The following PLCB1 variants were observed in gnomAD, a reference collection of about 807,000 sequenced individuals.
PLCB1 encodes the protein phospholipase C beta 1.
PLCB1 carries 46 observed loss-of-function variants against 161.8 expected under a neutral mutation model. The ratio of observed to expected loss-of-function variants is 0.28; its 90% CI spans 0.22 to 0.36. The LOEUF (loss-of-function observed/expected upper bound fraction) is 0.36, where lower values mean the gene tolerates loss of function less well. PLCB1 is among the 10% of genes least tolerant of loss of function. PLCB1 has a pLI of 1.00. For synonymous variants in PLCB1, 517 were observed against 503.7 expected, an observed-to-expected ratio of 1.03 and a Z score of -0.35; for missense variants, 1,016 against 1,472.5, an observed-to-expected ratio of 0.69 and a Z score of 5.07.
At chr20:8,737,263 A>T (rs1217286478) in intron 20 of PLCB1, 71 bp downstream of exon 20, 33 of 1,188,080 alleles carry the variant, frequency 2.8e-5, no homozygotes, top group Non-Finnish European at 3.8e-5. Flanking sequence ...AAATAATGAA[A>T]TGGTGAATTA....
At chr20:8,388,287 C>G (rs888696716) in intron 3 of PLCB1, among the ~76,000 whole-genome samples, 16 of 152,122 alleles carry the variant, frequency 1.1e-4, no homozygotes, top group African/African-American at 3.9e-4. Flanking sequence ...AATAGCTCAT[C>G]ATAGAATCTG....
chr20:8,215,543 G>A (rs546342542), intron 2 of PLCB1, among the ~76,000 whole-genome samples: 67 of 152,088 alleles, frequency 4.4e-4, no homozygotes, highest in African/African-American at 1.3e-3. Context: ...CGCAGCCCCC[G>A]TCCCTCTTGG....
chr20:8,622,012 C>T (rs1049997908), intron 3 of PLCB1, among the ~76,000 whole-genome samples: 1 of 152,120 alleles, frequency 6.6e-6, no homozygotes. Flanking sequence ...AGAGTCAGCA[C>T]TTTGGGAGGC....
At chr20:8,616,201 A>G (rs1455266992) in intron 3 of PLCB1, among the ~76,000 whole-genome samples, 1 of 152,164 alleles carries the variant, frequency 6.6e-6, no homozygotes, top group African/African-American at 2.4e-5. Context: ...AGGGCTTAGA[A>G]TGCCTTGACA....
intron 3 of PLCB1, among the ~76,000 whole-genome samples, chr20:8,483,528 G>T (rs1982594052): frequency 6.6e-6 from 1 of 152,158 alleles, no homozygotes; most frequent in Non-Finnish European, 1.5e-5. Flanking sequence ...CAAGTAATTT[G>T]CCTGAAGAGC....
At chr20:8,801,297 A>T (rs1471372369) in intron 31 of PLCB1, among the ~76,000 whole-genome samples, 1 of 152,018 alleles carries the variant, frequency 6.6e-6, no homozygotes, top group Non-Finnish European at 1.5e-5. Flanking sequence ...GCTTTCCATG[A>T]CCACTTTATT....
At chr20:8,214,468 C>G (rs1369387873) in intron 2 of PLCB1, among the ~76,000 whole-genome samples, 4 of 152,086 alleles carry the variant, frequency 2.6e-5, no homozygotes, top group African/African-American at 7.2e-5. Context: ...TTGTAACCTT[C>G]CTGAGGCCTC....
intron 2 of PLCB1, among the ~76,000 whole-genome samples, chr20:8,280,019 T>C (rs1194799299): frequency 1.3e-5 from 2 of 152,188 alleles, no homozygotes; most frequent in African/African-American, 2.4e-5. Context: ...GCATTTTACA[T>C]ATGTGTGTTA....
intron 2 of PLCB1, among the ~76,000 whole-genome samples, chr20:8,343,927 T>C (rs1190164564): frequency 6.6e-6 from 1 of 152,212 alleles, no homozygotes; most frequent in Non-Finnish European, 1.5e-5. Context: ...GATATCAGGA[T>C]TGGCTGACGT....
chr20:8,449,130 T>C (rs1430656319), intron 3 of PLCB1, among the ~76,000 whole-genome samples: 1 of 152,224 alleles, frequency 6.6e-6, no homozygotes, highest in Non-Finnish European at 1.5e-5. Flanking sequence ...AATATATGTT[T>C]AGAGATAAGA....
chr20:8,601,959 G>A (rs192504950), intron 3 of PLCB1, among the ~76,000 whole-genome samples: 156 of 152,202 alleles, frequency 1.0e-3, no homozygotes, highest in African/African-American at 3.7e-3. Flanking sequence ...CTCCCTTGCA[G>A]CACCAACACC....
intron 31 of PLCB1, among the ~76,000 whole-genome samples, chr20:8,791,850 A>T (rs889776632): frequency 6.6e-6 from 1 of 152,204 alleles, no homozygotes; most frequent in Non-Finnish European, 1.5e-5. Context: ...TCTTCCCTGG[A>T]TATAACTGGA....
intron 3 of PLCB1, among the ~76,000 whole-genome samples, chr20:8,399,668 C>G (rs1460945254): frequency 2.6e-5 from 4 of 152,016 alleles, no homozygotes; most frequent in Non-Finnish European, 5.9e-5. Context: ...ACTATTTTTC[C>G]CTAAGACAAT....
At chr20:8,419,746 G>C (rs1979459585) in intron 3 of PLCB1, among the ~76,000 whole-genome samples, 1 of 152,134 alleles carries the variant, frequency 6.6e-6, no homozygotes, top group Non-Finnish European at 1.5e-5. Context: ...AAGTAGAGAA[G>C]CATTTTTATT....
At chr20:8,194,491 A>G (rs557723692) in intron 2 of PLCB1, among the ~76,000 whole-genome samples, 1 of 152,180 alleles carries the variant, frequency 6.6e-6, no homozygotes, top group South Asian at 2.1e-4. Context: ...GTCAAAATAA[A>G]TATGCAGAAT....
At chr20:8,187,092 A>G (rs1371853629) in intron 2 of PLCB1, among the ~76,000 whole-genome samples, 1 of 152,054 alleles carries the variant, frequency 6.6e-6, no homozygotes, top group Non-Finnish European at 1.5e-5. Flanking sequence ...CTTACTTTAC[A>G]TTTGTTCTTG....
chr20:8,728,737 C>A (rs1600280908), intron 17 of PLCB1, among the ~76,000 whole-genome samples: 1 of 151,968 alleles, frequency 6.6e-6, no homozygotes, highest in Non-Finnish European at 1.5e-5. Flanking sequence ...GACTTTTACC[C>A]ACGGGGCTCT....
intron 2 of PLCB1, among the ~76,000 whole-genome samples, chr20:8,274,572 A>G (rs1042529721): frequency 6.6e-6 from 1 of 152,108 alleles, no homozygotes; most frequent in African/African-American, 2.4e-5. Flanking sequence ...ATATTTAAAT[A>G]AGATCAATGT....
chr20:8,865,488 A>G (rs1987396809), intron 31 of PLCB1, among the ~76,000 whole-genome samples: 1 of 152,238 alleles, frequency 6.6e-6, no homozygotes, highest in African/African-American at 2.4e-5. Flanking sequence ...GTGAGAATGT[A>G]TTGGTTAGCA....
Sources: gnomAD v4.1 joint callset for allele counts (sites outside exome capture counted in the v4.1 genomes callset) on GRCh38, gnomAD v4.1.1 for gene constraint, MANE v1.5 for transcripts, NCBI Gene and HGNC (gene_info 2026-07-23, HGNC 2026-07-21) for gene names.